Variants in TAX1BP1 observed in about 807,000 individuals in gnomAD.
TAX1BP1 encodes tax1-binding protein 1.
Under a neutral mutation model 97.7 loss-of-function variants are expected in TAX1BP1, and 62 were observed. That is an observed-to-expected ratio of 0.63 (90% CI 0.52 to 0.78). The LOEUF is 0.78. Ranked by LOEUF, TAX1BP1 falls within the 30% of genes least tolerant of loss-of-function variation. The probability of loss-of-function intolerance (pLI) is 0.00; values close to 1 mark genes in which losing one functional copy is unlikely to be tolerated. For synonymous variants in TAX1BP1, 340 were observed against 304.2 expected, an observed-to-expected ratio of 1.12 and a Z score of -1.23; for missense variants, 867 against 916.1, an observed-to-expected ratio of 0.95 and a Z score of 0.69.
intron 13 of TAX1BP1, among the ~76,000 whole-genome samples, chr7:27,808,226 A>G (rs1349402847): frequency 1.3e-5 from 2 of 152,234 alleles, no homozygotes; most frequent in African/African-American, 4.8e-5. Flanking sequence ...CTCTCTGTAT[A>G]TTAAAAAATA....
intron 5 of TAX1BP1, 71 bp from the exon 6 acceptor site, chr7:27,785,092 A>G: frequency 6.9e-7 from 1 of 1,457,728 alleles, no homozygotes; most frequent in Non-Finnish European, 9.2e-7. Context: ...TAGTTTTCTT[A>G]AAGATATGCA....
intron 5 of TAX1BP1, among the ~76,000 whole-genome samples, chr7:27,779,470 T>C (rs1186787882): frequency 1.3e-5 from 2 of 152,238 alleles, no homozygotes; most frequent in Admixed American, 6.5e-5. Flanking sequence ...TATTTTTGGC[T>C]TTTAGTTGCT....
In TAX1BP1 at chr7:27,792,062, A is replaced by T; in HGVS notation, c.1095A>T (p.Ala365=). 4 of 1,614,134 alleles carry T rather than the reference A, an allele frequency of 2.5e-6. No individual in the cohort carries two copies. The highest frequency in any genetic ancestry group is 3.4e-6 in the Non-Finnish European group (4 of 1,180,028). The change falls in exon 9 of 17, where the codon GCA becomes GCT. Residue 365 remains alanine (A), a synonymous_variant. Coordinates refer to ENST00000396319, the MANE Select transcript of TAX1BP1 (RefSeq NM_006024.7). ...QLRKAEEQVQ[A]TRQEVVFLAK... ...GTAAAGCAGAGGAACAGGTTCAGGC[A>T]ACTCGGCAAGAAGTTGTCTTTCTGG...
intron 11 of TAX1BP1, among the ~76,000 whole-genome samples, chr7:27,795,613 C>T (rs111784624): frequency 0.041 from 6,271 of 152,160 alleles, 405 homozygotes; most frequent in African/African-American, 0.14. Flanking sequence ...AGTGCAGTGG[C>T]GTGATCTCAG....
intron 8 of TAX1BP1, among the ~76,000 whole-genome samples, chr7:27,787,806 CT>C (rs1160247307): frequency 1.3e-5 from 2 of 151,926 alleles, no homozygotes; most frequent in Non-Finnish European, 2.9e-5. Flanking sequence ...ATTTATATGC[CT>C]TTTTTTCTGA....
intron 3 of TAX1BP1, among the ~76,000 whole-genome samples, chr7:27,760,395 A>ATTT (rs34019058): frequency 1.4e-5 from 2 of 143,516 alleles, no homozygotes; most frequent in African/African-American, 5.1e-5. Flanking sequence ...TTATTTTAGA[A>ATTT]TTTTTTTTTT....
Position 27,785,462 on chromosome 7 carries a change from A to G in TAX1BP1, c.825A>G (p.Thr275=), listed in dbSNP as rs1789444248. ...AACAACTTGAATGTCAGTTGAAGAC[A>G]GAGAAGGATGAAAAGGAACTTTATA... ...EREQLECQLK[T]EKDEKELYKV... is the part of the protein sequence containing the mutation. Residue 275 remains threonine (T), a synonymous_variant, in exon 7 of 17, where the codon ACA becomes ACG. Coordinates refer to ENST00000396319, the MANE Select transcript of TAX1BP1 (RefSeq NM_006024.7). 6.2e-7 allele frequency: 1 copy of G among 1,612,866 alleles called. No homozygotes were observed. Among genetic ancestry groups the G allele is most frequent in the Non-Finnish European group, 8.5e-7 (1 of 1,179,674 alleles).
rs562193461 is a variant in TAX1BP1 at position 27,805,277 on chromosome 7, T to C, written c.1764+5187T>C. Among the ~76,000 whole-genome samples the C allele has an allele frequency of 2.6e-5, 4 of 152,362 alleles. No homozygotes were observed. In the East Asian group the frequency reaches 7.7e-4, roughly 29 times the overall value. ...ATTATGAGCAAGGTTAAACATCTTA[T>C]CTTTTTTGTGAGTTCTTTGGCTCAT... On this transcript the variant is annotated intron_variant, in intron 13 of 16. Coordinates refer to ENST00000396319, the MANE Select transcript of TAX1BP1 (RefSeq NM_006024.7).
chr7:27,781,606 G>A (rs1449113112), intron 5 of TAX1BP1, among the ~76,000 whole-genome samples: 2 of 152,158 alleles, frequency 1.3e-5, no homozygotes, highest in Admixed American at 6.5e-5. Flanking sequence ...AGTGCTCTAG[G>A]TTATTCAGGG....
At chr7:27,778,457 A>C (rs901632692) in intron 5 of TAX1BP1, among the ~76,000 whole-genome samples, 1 of 152,302 alleles carries the variant, frequency 6.6e-6, no homozygotes, top group Middle Eastern at 3.4e-3. Flanking sequence ...TGTACTCAAG[A>C]ATATAGATAG....
intron 2 of TAX1BP1, among the ~76,000 whole-genome samples, chr7:27,752,918 A>G (rs1465747176): frequency 6.6e-6 from 1 of 152,226 alleles, no homozygotes; most frequent in Non-Finnish European, 1.5e-5. Flanking sequence ...TGATTATTCA[A>G]AATTAACAAC....
At chr7:27,740,920 C>G (rs554313367) in intron 1 of TAX1BP1, among the ~76,000 whole-genome samples, 3 of 152,314 alleles carry the variant, frequency 2.0e-5, no homozygotes, top group South Asian at 2.1e-4. Context: ...GGACTAGTCC[C>G]GACCGACTTG....
At position 27,829,033 on chromosome 7, in the gene TAX1BP1, C is replaced by A; in HGVS notation, c.*204C>A. 2.2e-6 allele frequency: 1 copy of A among 451,142 alleles called. No individual in the cohort carries two copies. The highest frequency in any genetic ancestry group is 3.9e-6 in the Non-Finnish European group (1 of 257,898). The allele number at this position is 451,142 out of a possible 1,614,324, so 27.9% of individuals were successfully genotyped here. ...TCAATAAATTTTAATCTCTGTTAAT[C>A]TTACCTGCTTTAAAAAAAAGTTCTT... is the stretch of plus-strand genomic sequence containing the variant. On this transcript the variant is annotated 3_prime_UTR_variant, in exon 17 of 17. Coordinates refer to ENST00000396319, the MANE Select transcript of TAX1BP1 (RefSeq NM_006024.7).
At chr7:27,818,310 C>T (rs901155894) in intron 15 of TAX1BP1, among the ~76,000 whole-genome samples, 4 of 151,750 alleles carry the variant, frequency 2.6e-5, no homozygotes, top group African/African-American at 4.8e-5. Flanking sequence ...ATGCACACCT[C>T]GAGTAACTTT....
chr7:27,757,761 A>G (rs1001793622), intron 2 of TAX1BP1, among the ~76,000 whole-genome samples: 23 of 152,100 alleles, frequency 1.5e-4, no homozygotes, highest in African/African-American at 5.1e-4. Context: ...ATTTGATCAT[A>G]TGGATAGTTA....
rs989139888 is a variant in TAX1BP1 at position 27,785,168 on chromosome 7, T to G, written c.618T>G (p.Leu206=). The G allele has an allele frequency of 4.4e-6, 7 of 1,607,328 alleles. No homozygotes were observed. Among genetic ancestry groups the G allele is most frequent in the Non-Finnish European group, 5.9e-6 (7 of 1,177,864 alleles). Residue 206 remains leucine (L), a synonymous_variant, in exon 6 of 17, where the codon CTT becomes CTG. Transcript: ENST00000396319. The part of the protein sequence containing the change: ...CDQLQAEQKG[L]TEVTQSLKME... ...ACCTTGTTGTCACTTCTCAGGGTCTTACTGAAGTAACACAAAGCTTAAAAA... is the reference window on the plus strand; with the variant it reads ...ACCTTGTTGTCACTTCTCAGGGTCTGACTGAAGTAACACAAAGCTTAAAAA...
In TAX1BP1 at chr7:27,792,176, G is replaced by A. The variant is rs1380731355; in HGVS notation, c.1209G>A (p.Lys403=). 3.7e-6 allele frequency: 6 copies of A among 1,613,812 alleles called. No homozygotes were observed. The highest frequency in any genetic ancestry group is 5.1e-6 in the Non-Finnish European group (6 of 1,179,962). Residue 403 remains lysine (K), a synonymous_variant, in exon 9 of 17, where the codon AAG becomes AAA. Coordinates refer to ENST00000396319, the MANE Select transcript of TAX1BP1 (RefSeq NM_006024.7). Reference sequence around the variant, plus strand: ...GCTTGGAAAACGAGAAAGTGAAAAAGCAGTTAGCTGATGCAGTGGCAGAAC... The same window carrying A: ...GCTTGGAAAACGAGAAAGTGAAAAAACAGTTAGCTGATGCAGTGGCAGAAC... The part of the protein sequence containing the change: ...TARLENEKVK[K]QLADAVAELK...
chr7:27,758,207 A>G, intron 3 of TAX1BP1, 74 bp downstream of exon 3: 1 of 1,213,918 alleles, frequency 8.2e-7, no homozygotes, highest in Non-Finnish European at 1.2e-6. Flanking sequence ...ACTCCATTGT[A>G]ATGATTTGTT....
chr7:27,740,672 G>A (rs1327643191), intron 1 of TAX1BP1, among the ~76,000 whole-genome samples: 1 of 152,230 alleles, frequency 6.6e-6, no homozygotes, highest in Non-Finnish European at 1.5e-5. Flanking sequence ...TTTGAGGGCA[G>A]TGTGGGTTTT....
Sources: gnomAD v4.1 joint callset for allele counts (sites outside exome capture counted in the v4.1 genomes callset) on GRCh38, gnomAD v4.1.1 for gene constraint, MANE v1.5 for transcripts, NCBI Gene and HGNC (gene_info 2026-07-23, HGNC 2026-07-21) for gene names.